DST: variants seen among roughly 807,000 people sequenced by gnomAD.
DST encodes dystonin, also known as bullous pemphigoid antigen.
Under a neutral mutation model 875.2 loss-of-function variants are expected in DST, and 253 were observed. That is an observed-to-expected ratio of 0.29 (90% confidence interval 0.26 to 0.32). The LOEUF (loss-of-function observed/expected upper bound fraction) is 0.32. DST is among the 10% of genes least tolerant of loss of function. The pLI, the probability that DST is intolerant of heterozygous loss-of-function variation, is 1.00. For missense variants in DST, 8,287 were observed against 9,111.6 expected (o/e 0.91, Z 3.68); for synonymous variants, 3,124 against 3,197.1 (o/e 0.98, Z 0.77).
intron 91 of DST, 24 bp downstream of exon 91, chr6:56,477,321 G>A (rs767169998): frequency 1.2e-6 from 2 of 1,607,670 alleles, no homozygotes; most frequent in Non-Finnish European, 1.7e-6. Flanking sequence ...TTGCTACTCT[G>A]AAGATTATCT....
chr6:56,942,073 C>T (rs1025763927), intron 2 of DST, among the ~76,000 whole-genome samples: 3 of 152,130 alleles, frequency 2.0e-5, no homozygotes, highest in Non-Finnish European at 4.4e-5. Context: ...CGGAACATCC[C>T]TCTTTGTCTC....
intron 85 of DST, 90 bp from the exon 86 acceptor site, chr6:56,489,699 A>T: frequency 8.5e-7 from 1 of 1,173,638 alleles, no homozygotes; most frequent in Non-Finnish European, 1.1e-6. Flanking sequence ...ATTAATAGTG[A>T]TGAAAATCCT....
chr6:56,926,120 T>C (rs1806944043), intron 2 of DST, among the ~76,000 whole-genome samples: 1 of 151,488 alleles, frequency 6.6e-6, no homozygotes, highest in South Asian at 2.1e-4. Flanking sequence ...TTACTTTTCA[T>C]ATAGTACAGG....
chr6:56,503,202 T>A (rs572144662), intron 78 of DST, among the ~76,000 whole-genome samples: 1 of 152,126 alleles, frequency 6.6e-6, no homozygotes, highest in East Asian at 1.9e-4. Context: ...AAAGAATGAA[T>A]AAGACCCTGT....
At chr6:56,467,428 T>A (rs2152388396) in intron 98 of DST, 1 of 151,422 alleles carries the variant, frequency 6.6e-6, no homozygotes, top group East Asian at 1.9e-4. Context: ...TCCATCAAAC[T>A]TTTAAAAACC....
At chr6:56,622,587 A>G (rs2098700764) in intron 36 of DST, among the ~76,000 whole-genome samples, 1 of 151,644 alleles carries the variant, frequency 6.6e-6, no homozygotes, top group Non-Finnish European at 1.5e-5. Context: ...AAAAAAAAAA[A>G]AAAAAAAAAT....
rs1331126604 is a variant in DST, at chr6:56,607,691, T to G, written c.6937A>C (p.Asn2313His). Residue 2313 changes from asparagine (N) to histidine (H), a missense_variant, in exon 40 of 104, where the codon AAT (asparagine) becomes CAT (histidine). This residue lies in a region of DST where 3,138 missense variants were observed against 3,116.6 expected (regional missense o/e 1.01). Transcript: ENST00000680361. Reference protein sequence around the residue: ...EFNEMRNTVINSEFSQSGKLA... With the variant: ...EFNEMRNTVIHSEFSQSGKLA... ...TTTCCTGACTGAGAAAATTCACTAT[T>G]GATAACAGTATTTCTCATTTCATTA... is the stretch of plus-strand genomic sequence containing the variant. 5 of 1,613,330 alleles carry G rather than the reference T, an allele frequency of 3.1e-6. No individual in the cohort carries two copies. In the African/African-American group the frequency reaches 4.0e-5, roughly 13 times the overall value.
At position 56,529,475 on chromosome 6, in the gene DST, C is replaced by A; in HGVS notation, c.17568G>T (p.Gly5856=). The A allele has an allele frequency of 6.6e-7, 1 of 1,523,840 alleles. No homozygotes were observed. The highest frequency in any genetic ancestry group is 8.8e-7 in the Non-Finnish European group (1 of 1,133,808). 94.4% of individuals were successfully genotyped at this position (1,523,840 alleles called of 1,614,324 possible). Residue 5856 remains glycine, a synonymous_variant, in exon 66 of 104, where the codon GGG becomes GGT. Coordinates refer to ENST00000680361, the MANE Select transcript of DST (RefSeq NM_001374736.1). ...GAAGTTCAGACTGCTGCTTCCATAG[C>A]CCCTCAGTGCTGTAATCCTGGACTG... ...KLSVQDYSTE[G]LWKQQSELRV... is the part of the protein sequence containing the mutation.
intron 3 of DST, among the ~76,000 whole-genome samples, chr6:56,852,638 G>A (rs1765842827): frequency 6.6e-6 from 1 of 152,216 alleles, no homozygotes; most frequent in Non-Finnish European, 1.5e-5. Flanking sequence ...AAGGAAACAA[G>A]GATGTTGACT....
In DST at chr6:56,636,646, T is replaced by G. The variant is rs1475019477; in HGVS notation, c.2971A>C (p.Arg991=). The G allele has an allele frequency of 3.1e-6, 5 of 1,613,262 alleles. No homozygotes were observed. Among genetic ancestry groups the G allele is most frequent in the Non-Finnish European group, 3.4e-6 (4 of 1,179,758 alleles). ...CTCCACTGCGTCTGCATTGCCGCTC[T>G]GTAGGCCTTAAAGATAAAACAGAGC... The part of the protein sequence containing the change: ...HPARLTIEAY[R]AAMQTQWSWI... Residue 991 remains arginine, a synonymous_variant, in exon 23 of 104, where the codon AGA becomes CGA. Coordinates refer to ENST00000680361, the MANE Select transcript of DST (RefSeq NM_001374736.1).
In DST at chr6:56,601,668, T is replaced by C; in HGVS notation, c.11316A>G (p.Leu3772=). The C allele has an allele frequency of 1.3e-6, 2 of 1,565,478 alleles. No homozygotes were observed. ...GCATTTTGGTATGTCCAAGGTCTTT[T>C]AATACATTCTGTTAAAAAAGTAGTA... ...KKRLEFLKNV[L]KDLGHTKMQL... The change falls in exon 44 of 104, where the codon TTA becomes TTG. Residue 3772 remains leucine, a synonymous_variant. Transcript: ENST00000680361.
At chr6:56,555,987 A>G (rs2097409177) in intron 59 of DST, 147 bp from the exon 60 acceptor site, 2 of 783,006 alleles carry the variant, frequency 2.6e-6, no homozygotes, top group Admixed American at 6.9e-5. Context: ...CTTAAAGGGC[A>G]GTACAATTCT....
intron 49 of DST, among the ~76,000 whole-genome samples, chr6:56,589,914 GA>G (rs1395006946): frequency 1.3e-5 from 2 of 152,200 alleles, no homozygotes; most frequent in African/African-American, 4.8e-5. Flanking sequence ...ATAAGTAGAA[GA>G]TAGTATGCTA....
intron 4 of DST, among the ~76,000 whole-genome samples, chr6:56,779,118 A>C (rs1489586449): frequency 1.3e-5 from 2 of 151,974 alleles, no homozygotes; most frequent in African/African-American, 2.4e-5. Flanking sequence ...TTTGATTTGC[A>C]TTTCTCTGAT....
At chr6:56,884,512 A>C (rs1783709832) in intron 3 of DST, among the ~76,000 whole-genome samples, 1 of 152,162 alleles carries the variant, frequency 6.6e-6, no homozygotes, top group Non-Finnish European at 1.5e-5. Flanking sequence ...CAGGAGACGC[A>C]TATGTGTGGT....
chr6:56,594,715 T>TG (rs149171051), intron 47 of DST, among the ~76,000 whole-genome samples: 3,094 of 152,266 alleles, frequency 0.02, 105 homozygotes, highest in African/African-American at 0.071. Context: ...AGAAGCCCAA[T>TG]GGACATTAGA....
At chr6:56,692,257 G>A (rs77903738) in intron 9 of DST, 6,285 of 425,024 alleles carry the variant, frequency 0.015, 51 homozygotes, top group Non-Finnish European at 0.02. Context: ...CTAACAAAAC[G>A]CAACAGAAAC....
chr6:56,503,511 A>G (rs2096205554), intron 78 of DST, among the ~76,000 whole-genome samples: 2 of 151,926 alleles, frequency 1.3e-5, no homozygotes, highest in South Asian at 4.2e-4. Flanking sequence ...AGTGACAACA[A>G]TATACTACTG....
At chr6:56,565,389 G>A (rs974265306) in intron 55 of DST, among the ~76,000 whole-genome samples, 5 of 152,068 alleles carry the variant, frequency 3.3e-5, no homozygotes, top group Non-Finnish European at 7.4e-5. Context: ...AAAGTGCTGG[G>A]ATTACAGGCA....
Sources: gnomAD v4.1 joint callset for allele counts (sites outside exome capture counted in the v4.1 genomes callset) on GRCh38, gnomAD v4.1.1 for gene constraint, gnomAD v4.1.1 regional missense constraint, MANE v1.5 for transcripts, NCBI Gene and HGNC (gene_info 2026-07-23, HGNC 2026-07-21) for gene names.